Variants in TMEM201 observed in about 807,000 individuals in gnomAD.
The protein encoded by TMEM201 is RP13-15M17.2.
TMEM201 carries 26 observed loss-of-function variants against 63.4 expected under a neutral mutation model. That is an observed-to-expected ratio of 0.41 (90% confidence interval 0.30 to 0.57). TMEM201 has a LOEUF of 0.57. TMEM201 is among the 20% of genes least tolerant of loss of function. TMEM201 has a pLI of 0.29. For synonymous variants in TMEM201, 417 were observed against 421.6 expected, an observed-to-expected ratio of 0.99 and a Z score of 0.14; for missense variants, 794 against 917.7, an observed-to-expected ratio of 0.87 and a Z score of 1.74.
chr1:9,595,857 TC>T, intron 1 of TMEM201, 32 bp from the exon 2 acceptor site: 1 of 1,611,030 alleles, frequency 6.2e-7, no homozygotes, highest in African/African-American at 1.3e-5. Context: ...GCTGGGGTCT[TC>T]CAGGCCAACC....
intron 5 of TMEM201, among the ~76,000 whole-genome samples, chr1:9,601,667 G>A (rs2100492222): frequency 6.6e-6 from 1 of 152,268 alleles, no homozygotes; most frequent in African/African-American, 2.4e-5. Flanking sequence ...ACCCGCTGTG[G>A]GCTGGGCCGG....
intron 6 of TMEM201, chr1:9,606,419 C>T (rs960229243): frequency 4.6e-5 from 7 of 152,250 alleles, no homozygotes; most frequent in African/African-American, 1.4e-4. Context: ...ACATGATTCT[C>T]CGGGAAGTCA....
intron 1 of TMEM201, among the ~76,000 whole-genome samples, chr1:9,591,207 A>G (rs114720235): frequency 0.028 from 4,314 of 152,314 alleles, 91 homozygotes; most frequent in Middle Eastern, 0.068. Flanking sequence ...GGCTGTAAGC[A>G]CAGCACACTG....
At position 9,597,029 on chromosome 1, in the gene TMEM201, G is replaced by A. The variant is rs1038399359; in HGVS notation, c.405G>A (p.Leu135=). ...ACCAGACCACCAAGATCAAGCAGCT[G>A]GCCGCCTTCGCTCCCCGCGAGGAGG... is the stretch of plus-strand genomic sequence containing the variant. The part of the protein sequence containing the change: ...NHHQTTKIKQ[L]AAFAPREEGR... The change falls in exon 3 of 11, where the codon CTG becomes CTA. Residue 135 remains leucine, a synonymous_variant. Coordinates refer to ENST00000340381, the MANE Select transcript of TMEM201 (RefSeq NM_001130924.3). 1.2e-6 allele frequency: 2 copies of A among 1,608,518 alleles called. No homozygotes were observed. Among genetic ancestry groups the A allele is most frequent in the African/African-American group, 1.3e-5 (1 of 74,906 alleles).
intron 1 of TMEM201, among the ~76,000 whole-genome samples, chr1:9,590,374 C>CGCCTCTCA (rs1345757619): frequency 6.6e-6 from 1 of 152,176 alleles, no homozygotes; most frequent in Admixed American, 6.5e-5. Flanking sequence ...TGGACGAAGC[C>CGCCTCTCA]GCCTCTCAGC....
At chr1:9,596,436 G>A (rs552429866) in intron 2 of TMEM201, among the ~76,000 whole-genome samples, 3 of 152,360 alleles carry the variant, frequency 2.0e-5, no homozygotes, top group South Asian at 2.1e-4. Flanking sequence ...CTGAGCCACC[G>A]TAGGTAATAC....
chr1:9,597,198 AG>A, intron 3 of TMEM201, 145 bp downstream of exon 3: 1 of 965,654 alleles, frequency 1.0e-6, no homozygotes, highest in Non-Finnish European at 1.5e-6. Context: ...GAGTGCCCAA[AG>A]GGGCCCCCTC....
rs550239449 is a variant in TMEM201 at position 9,604,297 on chromosome 1, C to T, written c.1160+2025C>T. ...CTCGCGCTGGCCAGGATCCTCCTGCCGAGCTGATGTCGCTCCTGCCCTCTG... is the reference window on the plus strand; with the variant it reads ...CTCGCGCTGGCCAGGATCCTCCTGCTGAGCTGATGTCGCTCCTGCCCTCTG... On this transcript the variant is annotated intron_variant, in intron 6 of 10. Transcript: ENST00000340381. The surrounding 1 kb of genome is among the most constrained non-coding windows in gnomAD (Gnocchi z 4.1). 8.1e-6 allele frequency: 8 copies of T among 985,390 alleles called. No homozygotes were observed. Among genetic ancestry groups the T allele is most frequent in the East Asian group, 2.3e-4 (2 of 8,804 alleles). The allele number at this position is 985,390 out of a possible 1,614,324, so 61.0% of individuals were successfully genotyped here.
chr1:9,594,060 G>A (rs1315167689), intron 1 of TMEM201, among the ~76,000 whole-genome samples: 2 of 152,300 alleles, frequency 1.3e-5, no homozygotes, highest in Admixed American at 6.5e-5. Flanking sequence ...TCCTAATGCC[G>A]AGCACTGAGC....
intron 1 of TMEM201, among the ~76,000 whole-genome samples, chr1:9,594,005 GT>G (rs1643967518): frequency 6.6e-6 from 1 of 152,266 alleles, no homozygotes; most frequent in African/African-American, 2.4e-5. Flanking sequence ...CCCAGAGCGA[GT>G]CTCCTTCCCT....
At position 9,596,879 on chromosome 1, in the gene TMEM201, G is replaced by A. The variant is rs116228362; in HGVS notation, c.255G>A (p.Pro85=). ...GFQENGDYNK[P]IPAQYLEHLN... ...CGCAGAACGGCGACTACAACAAGCC[G>A]ATCCCCGCCCAGTACTTGGAGCACC... The change falls in exon 3 of 11, where the codon CCG becomes CCA. Residue 85 remains proline (P), a synonymous_variant. Transcript: ENST00000340381. 1.8e-3 allele frequency: 2,850 copies of A among 1,595,268 alleles called. 38 individuals are homozygous for A. In the African/African-American group the frequency reaches 0.033, roughly 18 times the overall value.
chr1:9,599,929 A>G (rs1019203848), intron 4 of TMEM201, among the ~76,000 whole-genome samples: 4 of 152,216 alleles, frequency 2.6e-5, no homozygotes, highest in Non-Finnish European at 4.4e-5. Context: ...GCTGACATAA[A>G]TGGACAGATA....
chr1:9,604,591 G>A lies in TMEM201; in HGVS notation c.1160+2319G>A. The A allele has an allele frequency of 1.0e-6, 1 of 985,476 alleles. No individual in the cohort carries two copies. Among genetic ancestry groups the A allele is most frequent in the Non-Finnish European group, 1.2e-6 (1 of 829,932 alleles). The allele number at this position is 985,476 out of a possible 1,614,324, so 61.0% of individuals were successfully genotyped here. A position where few individuals can be genotyped will look rare whatever the true frequency, so the allele number is the denominator to read the frequency against. On this transcript the variant is annotated intron_variant, in intron 6 of 10. Coordinates refer to ENST00000340381, the MANE Select transcript of TMEM201 (RefSeq NM_001130924.3). This position sits in a 1 kb window ranked among gnomAD's most constrained non-coding sequence, Gnocchi z 4.1. The stretch of plus-strand genomic sequence containing the variant: ...TGGGATGGCCATCAGACCTTCTAGG[G>A]TCTGGCTGGGGTCATCCTAGGTATG...
rs76196450 is a variant in TMEM201, at chr1:9,596,272, A to C, written c.234+262A>C. On this transcript the variant is annotated intron_variant, in intron 2 of 10. Transcript: ENST00000340381. The stretch of plus-strand genomic sequence containing the variant: ...GCAGTTTGTCCAAGGTTACACCACT[A>C]AAAGTGGCAGATTTGGGGTTCACAC... Among the ~76,000 whole-genome samples the C allele has an allele frequency of 4.5e-3, 689 of 152,326 alleles. 7 individuals carry two copies. The highest frequency in any genetic ancestry group is 0.015 in the African/African-American group (641 of 41,584).
intron 2 of TMEM201, 90 bp from the exon 3 acceptor site, chr1:9,596,769 G>T (rs1644027629): frequency 1.5e-6 from 2 of 1,314,172 alleles, no homozygotes; most frequent in South Asian, 1.5e-5. Flanking sequence ...ACCATCACTT[G>T]CCTGGAGCGG....
At chr1:9,591,363 G>A (rs1643916055) in intron 1 of TMEM201, among the ~76,000 whole-genome samples, 1 of 152,256 alleles carries the variant, frequency 6.6e-6, no homozygotes, top group African/African-American at 2.4e-5. Context: ...ACTTCAGCTT[G>A]TCAGCCCAGC....
chr1:9,601,137 G>C lies in TMEM201; in HGVS notation c.639G>C (p.Gln213His), dbSNP rs1644131405. Residue 213 changes from glutamine (Q) to histidine (H), a missense_variant, in exon 5 of 11, where the codon CAG (glutamine) becomes CAC (histidine). Physicochemically the swap from Gln to His is conservative, Grantham distance 24 (BLOSUM62 0). Coordinates refer to ENST00000340381, the MANE Select transcript of TMEM201 (RefSeq NM_001130924.3). ...CCTCCGCCGTGAAGTCCCCGGTCCAGGTCATCCTGCTCCGTGCCCTCGCCT... is the reference window on the plus strand; with the variant it reads ...CCTCCGCCGTGAAGTCCCCGGTCCACGTCATCCTGCTCCGTGCCCTCGCCT... ...NFSSAVKSPV[Q>H]VILLRALAFL... The C allele has an allele frequency of 6.2e-7, 1 of 1,600,190 alleles. No homozygotes were observed. The highest frequency in any genetic ancestry group is 1.7e-5 in the Admixed American group (1 of 59,556).
At position 9,610,368 on chromosome 1, in the gene TMEM201, A is replaced by T; in HGVS notation, c.1466-138A>T. ...TCTCCTCCTTCAGCTTTGCAGCAGG[A>T]CTTCCCCCTGTCCCCAGTCTCTGCA... On this transcript the variant is annotated intron_variant, in intron 8 of 10. Coordinates refer to ENST00000340381, the MANE Select transcript of TMEM201 (RefSeq NM_001130924.3). The surrounding 1 kb of genome is among the most constrained non-coding windows in gnomAD (Gnocchi z 4.9). 3 of 894,740 alleles carry T rather than the reference A, an allele frequency of 3.4e-6. No individual in the cohort carries two copies. Among genetic ancestry groups the T allele is most frequent in the Non-Finnish European group, 4.9e-6 (3 of 606,980 alleles). The allele number at this position is 894,740 out of a possible 1,614,324, so 55.4% of individuals were successfully genotyped here. A position where few individuals can be genotyped will look rare whatever the true frequency, so the allele number is the denominator to read the frequency against.
In TMEM201 at chr1:9,613,614, G is replaced by A. The variant is rs1226038988; in HGVS notation, c.*531G>A. 6.5e-6 allele frequency: 1 copy of A among 153,518 alleles called. No individual in the cohort carries two copies. Among genetic ancestry groups the A allele is most frequent in the Non-Finnish European group, 1.4e-5 (1 of 68,970 alleles). The allele number at this position is 153,518 out of a possible 1,614,324, so 9.5% of individuals were successfully genotyped here. ...GCCCTATCTTGCCCCTTCCTGTGGA[G>A]TGGGCAGAAGGGCTCCCGGGATCCT... On this transcript the variant is annotated 3_prime_UTR_variant, in exon 11 of 11. Coordinates refer to ENST00000340381, the MANE Select transcript of TMEM201 (RefSeq NM_001130924.3).
Sources: gnomAD v4.1 joint callset for allele counts (sites outside exome capture counted in the v4.1 genomes callset) on GRCh38, gnomAD v4.1.1 for gene constraint, Gnocchi (gnomAD v3.1) non-coding constraint, MANE v1.5 for transcripts, NCBI Gene and HGNC (gene_info 2026-07-23, HGNC 2026-07-21) for gene names.